Variants in CNNM2 observed in about 807,000 individuals in gnomAD.
CNNM2 encodes the protein metal transporter CNNM2.
In CNNM2, 12 loss-of-function variants were observed where a neutral mutation model predicts 66.9. That is an observed-to-expected ratio of 0.18 (90% CI 0.11 to 0.29). CNNM2 has a LOEUF of 0.29. Among genes scored for constraint, CNNM2 ranks in the 10% least tolerant of loss-of-function variants. CNNM2 has a pLI of 1.00. For synonymous variants in CNNM2, 557 were observed against 501.8 expected, an observed-to-expected ratio of 1.11 and a Z score of -1.47; for missense variants, 705 against 1,167.7, an observed-to-expected ratio of 0.60 and a Z score of 5.77.
In CNNM2 at chr10:103,082,301, G is replaced by A. The variant is rs917063997; in HGVS notation, c.*5121G>A. On this transcript the variant is annotated 3_prime_UTR_variant, in exon 8 of 8. Transcript: ENST00000369878. ...CCAGATTTGGCTGCAGATTCACCCT[G>A]AAGAGAACTATCCAATGGGCCTGGT... 2 of 152,238 alleles carry A rather than the reference G, an allele frequency of 1.3e-5. No individual in the cohort carries two copies. The highest frequency in any genetic ancestry group is 2.9e-5 in the Non-Finnish European group (2 of 68,082). The allele number at this position is 152,238 out of a possible 1,614,324, so 9.4% of individuals were successfully genotyped here. A position where few individuals can be genotyped will look rare whatever the true frequency, so the allele number is the denominator to read the frequency against.
Position 102,919,296 on chromosome 10 carries a change from C to T in CNNM2, c.816C>T (p.Phe272=). 1 of 1,613,888 alleles carries T rather than the reference C, an allele frequency of 6.2e-7. No homozygotes were observed. The highest frequency in any genetic ancestry group is 8.5e-7 in the Non-Finnish European group (1 of 1,180,046). ...TGCTGCTGTGCCTGTCGGGCATGTT[C>T]AGCGGCCTCAACCTGGGGCTCATGG... ...ISLLLCLSGM[F]SGLNLGLMAL... Residue 272 remains phenylalanine, a synonymous_variant, in exon 1 of 8, where the codon TTC becomes TTT. Transcript: ENST00000369878.
At position 103,084,727 on chromosome 10, in the gene CNNM2, A is replaced by G. The variant is rs1017425587; in HGVS notation, c.*7547A>G. 10 of 152,104 alleles carry G rather than the reference A, an allele frequency of 6.6e-5. No individual in the cohort carries two copies. Among genetic ancestry groups the G allele is most frequent in the Non-Finnish European group, 8.8e-5 (6 of 68,014 alleles). The allele number at this position is 152,104 out of a possible 1,614,324, so 9.4% of individuals were successfully genotyped here. ...TTATCGTGATGCACCCGGGGTTTCT[A>G]TTTCACAAAAATTGTGCTCCCTAGA... On this transcript the variant is annotated 3_prime_UTR_variant, in exon 8 of 8. Coordinates refer to ENST00000369878, the MANE Select transcript of CNNM2 (RefSeq NM_017649.5).
intron 4 of CNNM2, among the ~76,000 whole-genome samples, chr10:103,058,169 A>G (rs778125511): frequency 6.6e-6 from 1 of 152,206 alleles, no homozygotes; most frequent in Non-Finnish European, 1.5e-5. Flanking sequence ...TTCTGTTTGC[A>G]AGTTTACTAA....
rs72850123 is a variant in CNNM2 at position 103,034,235 on chromosome 10, G to T, written c.1622-15472G>T. Reference sequence around the variant, plus strand: ...TAATAAATAATAGCAATTCTACCTCGCTCCAAATTGAGGTCATCAGGAAGG... The same window carrying T: ...TAATAAATAATAGCAATTCTACCTCTCTCCAAATTGAGGTCATCAGGAAGG... On this transcript the variant is annotated intron_variant, in intron 1 of 7. Coordinates refer to ENST00000369878, the MANE Select transcript of CNNM2 (RefSeq NM_017649.5). 0.038 allele frequency among the ~76,000 whole-genome samples: 5,701 copies of T among 150,906 alleles called. 153 individuals are homozygous for T. The highest frequency in any genetic ancestry group is 0.057 in the Non-Finnish European group (3,844 of 67,822).
At chr10:103,056,244 C>A in intron 3 of CNNM2, among the ~76,000 whole-genome samples, 1 of 151,952 alleles carries the variant, frequency 6.6e-6, no homozygotes, top group Non-Finnish European at 1.5e-5. Flanking sequence ...TTTGTAAATA[C>A]TTTTGAACAT....
chr10:103,034,536 C>T (rs1706608825), intron 1 of CNNM2, among the ~76,000 whole-genome samples: 1 of 152,088 alleles, frequency 6.6e-6, no homozygotes, highest in African/African-American at 2.4e-5. Context: ...TTATGTATGA[C>T]TTTTGTATAA....
intron 2 of CNNM2, among the ~76,000 whole-genome samples, chr10:103,051,779 C>G (rs1436924054): frequency 1.3e-5 from 2 of 152,190 alleles, no homozygotes; most frequent in South Asian, 2.1e-4. Context: ...CCTGTACCCA[C>G]AAAAGAAAAA....
chr10:103,040,341 G>A (rs1051444301), intron 1 of CNNM2, among the ~76,000 whole-genome samples: 2 of 151,924 alleles, frequency 1.3e-5, no homozygotes, highest in African/African-American at 4.8e-5. Context: ...AGCAGAGGAA[G>A]GGGTGAGTAG....
At chr10:102,968,910 C>CTTTT (rs767809554) in intron 1 of CNNM2, among the ~76,000 whole-genome samples, 10 of 99,690 alleles carry the variant, frequency 1.0e-4, no homozygotes, top group Non-Finnish European at 1.2e-4. Flanking sequence ...CCAGTGCTGT[C>CTTTT]TTTTTTTTTT....
intron 1 of CNNM2, among the ~76,000 whole-genome samples, chr10:103,013,620 G>A (rs1397092480): frequency 2.6e-5 from 4 of 152,140 alleles, no homozygotes; most frequent in Non-Finnish European, 4.4e-5. Context: ...AAACTGTGAC[G>A]CAAACAGTGC....
intron 1 of CNNM2, among the ~76,000 whole-genome samples, chr10:103,008,970 G>A (rs889730682): frequency 2.6e-5 from 4 of 151,958 alleles, no homozygotes; most frequent in African/African-American, 9.7e-5. Context: ...GGGACACTTT[G>A]AGAGTTCTTA....
At chr10:103,024,453 A>G (rs1182198659) in intron 1 of CNNM2, among the ~76,000 whole-genome samples, 1 of 152,150 alleles carries the variant, frequency 6.6e-6, no homozygotes, top group Non-Finnish European at 1.5e-5. Flanking sequence ...GTACTGTGAT[A>G]ATACCAAGCA....
chr10:103,051,659 G>C (rs993319202), intron 2 of CNNM2, among the ~76,000 whole-genome samples: 3 of 151,988 alleles, frequency 2.0e-5, no homozygotes, highest in Admixed American at 1.3e-4. Flanking sequence ...ATAATCGCTT[G>C]AACCCAGGAG....
chr10:102,953,514 G>A (rs1367307768), intron 1 of CNNM2, among the ~76,000 whole-genome samples: 10 of 151,860 alleles, frequency 6.6e-5, no homozygotes, highest in African/African-American at 2.4e-4. Context: ...CACCTGCCTC[G>A]GCCTCCCAAA....
At chr10:103,011,682 G>GTGTGTA (rs747928487) in intron 1 of CNNM2, among the ~76,000 whole-genome samples, 241 of 148,330 alleles carry the variant, frequency 1.6e-3, no homozygotes, top group South Asian at 4.9e-3. Flanking sequence ...GTGTGTGTGT[G>GTGTGTA]TGTATGTATA....
At chr10:103,049,534 G>C (rs958338336) in intron 1 of CNNM2, among the ~76,000 whole-genome samples, 173 bp from the exon 2 acceptor site, 1 of 152,134 alleles carries the variant, frequency 6.6e-6, no homozygotes, top group Non-Finnish European at 1.5e-5. Context: ...CCTTTTAATG[G>C]CTCTTGAAGT....
chr10:102,968,390 G>A (rs899068646), intron 1 of CNNM2, among the ~76,000 whole-genome samples: 2 of 152,002 alleles, frequency 1.3e-5, no homozygotes, highest in Admixed American at 6.6e-5. Flanking sequence ...GGGACTACAG[G>A]TGCCCAGCAC....
At chr10:103,022,567 G>C (rs920640070) in intron 1 of CNNM2, among the ~76,000 whole-genome samples, 1 of 152,146 alleles carries the variant, frequency 6.6e-6, no homozygotes, top group Non-Finnish European at 1.5e-5. Flanking sequence ...CTTACACCAT[G>C]GAAATTGCCA....
intron 1 of CNNM2, among the ~76,000 whole-genome samples, chr10:102,977,557 A>G (rs1373320255): frequency 1.3e-5 from 2 of 152,196 alleles, no homozygotes; most frequent in Non-Finnish European, 2.9e-5. Context: ...GCAGTGGCTC[A>G]TGCCTATAAT....
Sources: gnomAD v4.1 joint callset for allele counts (sites outside exome capture counted in the v4.1 genomes callset) on GRCh38, gnomAD v4.1.1 for gene constraint, MANE v1.5 for transcripts, NCBI Gene and HGNC (gene_info 2026-07-23, HGNC 2026-07-21) for gene names.